The following DIS3L2 variants were observed in gnomAD, a reference collection of about 807,000 sequenced individuals.
DIS3L2 encodes the protein DIS3-like exonuclease 2.
DIS3L2 carries 34 observed loss-of-function variants against 97.5 expected under a neutral mutation model. The ratio of observed to expected loss-of-function variants is 0.35; its 90% CI spans 0.27 to 0.46. The LOEUF is 0.46. DIS3L2 is among the 20% of genes least tolerant of loss of function. The pLI is 1.00. For synonymous variants in DIS3L2, 435 were observed against 445.2 expected, an observed-to-expected ratio of 0.98 and a Z score of 0.29; for missense variants, 1,038 against 1,146.0, an observed-to-expected ratio of 0.91 and a Z score of 1.36.
chr2:232,200,712 A>G (rs1691868722), intron 9 of DIS3L2, among the ~76,000 whole-genome samples: 1 of 152,038 alleles, frequency 6.6e-6, no homozygotes, highest in African/African-American at 2.4e-5. Flanking sequence ...ACATTTTATA[A>G]TTTACAAGGC....
intron 1 of DIS3L2, among the ~76,000 whole-genome samples, chr2:232,014,070 C>T (rs963284879): frequency 2.0e-5 from 3 of 152,178 alleles, no homozygotes; most frequent in African/African-American, 7.2e-5. Context: ...GGCTGGTGGC[C>T]AGCAGAGACT....
At chr2:232,303,434 A>G (rs1479476948) in intron 14 of DIS3L2, among the ~76,000 whole-genome samples, 1 of 152,258 alleles carries the variant, frequency 6.6e-6, no homozygotes, top group Non-Finnish European at 1.5e-5. Flanking sequence ...AGACAATACC[A>G]GCAGAGAGAG....
chr2:232,217,812 C>T (rs1320312397), intron 10 of DIS3L2, among the ~76,000 whole-genome samples: 1 of 152,218 alleles, frequency 6.6e-6, no homozygotes, highest in Non-Finnish European at 1.5e-5. Context: ...TCTCCAGAAC[C>T]TCTCTGAACC....
chr2:232,169,741 A>G (rs1690929788), intron 9 of DIS3L2, among the ~76,000 whole-genome samples: 2 of 152,158 alleles, frequency 1.3e-5, no homozygotes, highest in African/African-American at 2.4e-5. Flanking sequence ...CTAGCTACAT[A>G]AGAACTTCTA....
At chr2:231,970,751 C>A (rs1692881052) in intron 1 of DIS3L2, among the ~76,000 whole-genome samples, 1 of 152,068 alleles carries the variant, frequency 6.6e-6, no homozygotes, top group Admixed American at 6.6e-5. Context: ...TTATAGAAAA[C>A]ATTTTTTCTT....
At chr2:232,163,378 A>C in intron 8 of DIS3L2, 81 bp from the exon 9 acceptor site, 1 of 1,444,928 alleles carries the variant, frequency 6.9e-7, no homozygotes, top group Non-Finnish European at 9.4e-7. Context: ...CTTTCCCACT[A>C]CTTTACTTTT....
In DIS3L2 at chr2:232,334,752, A is replaced by C; in HGVS notation, c.2394+17A>C. ...TACTGCAACGTGAGTGCCCTGGGAGAGCCCGGGGGCGGGCAGGGCAGCCCA... is the reference window on the plus strand; with the variant it reads ...TACTGCAACGTGAGTGCCCTGGGAGCGCCCGGGGGCGGGCAGGGCAGCCCA... On this transcript the variant is annotated intron_variant, in intron 19 of 20. Coordinates refer to ENST00000325385, the MANE Select transcript of DIS3L2 (RefSeq NM_152383.5). The C allele has an allele frequency of 6.3e-7, 1 of 1,586,878 alleles. No homozygotes were observed.
chr2:232,304,127 G>A (rs1694929496), intron 14 of DIS3L2, among the ~76,000 whole-genome samples: 1 of 151,478 alleles, frequency 6.6e-6, no homozygotes, highest in Non-Finnish European at 1.5e-5. Flanking sequence ...CACACCCCCT[G>A]GCAGATGCCA....
At chr2:232,227,633 T>G (rs1018945575) in intron 10 of DIS3L2, among the ~76,000 whole-genome samples, 1 of 152,018 alleles carries the variant, frequency 6.6e-6, no homozygotes, top group Admixed American at 6.6e-5. Context: ...TGAAACTGAG[T>G]GATTGGATCC....
At chr2:232,139,013 C>T (rs1251579109) in intron 8 of DIS3L2, among the ~76,000 whole-genome samples, 3 of 152,116 alleles carry the variant, frequency 2.0e-5, no homozygotes, top group Non-Finnish European at 4.4e-5. Context: ...GTTATGGATT[C>T]GTTACTTAAG....
chr2:232,319,954 C>T (rs182772695), intron 14 of DIS3L2, among the ~76,000 whole-genome samples: 12 of 152,320 alleles, frequency 7.9e-5, no homozygotes, highest in African/African-American at 1.9e-4. Flanking sequence ...ATGAGAGTGG[C>T]GTCGGGGAAA....
Position 232,172,838 on chromosome 2 carries a change from T to C in DIS3L2, c.1124+9206T>C. ...TTGTAGGTGTGGGGTAGTATCTCAT[T>C]GTGGTTTTGATTTGCATTTCTGTCA... is the stretch of plus-strand genomic sequence containing the variant. On this transcript the variant is annotated intron_variant, in intron 9 of 20. Coordinates refer to ENST00000325385, the MANE Select transcript of DIS3L2 (RefSeq NM_152383.5). The C allele has an allele frequency of 3.9e-6, 2 of 510,662 alleles. 1 individual carries two copies. The highest frequency in any genetic ancestry group is 3.0e-5 in the South Asian group (2 of 66,820). The allele number at this position is 510,662 out of a possible 1,614,324, so 31.6% of individuals were successfully genotyped here. A position where few individuals can be genotyped will look rare whatever the true frequency, so the allele number is the denominator to read the frequency against.
At chr2:232,042,892 A>G (rs1036728626) in intron 5 of DIS3L2, among the ~76,000 whole-genome samples, 1 of 152,256 alleles carries the variant, frequency 6.6e-6, no homozygotes. Context: ...GTGATGGCAC[A>G]TTCTAAGTGC....
chr2:232,090,490 A>C (rs1315764907), intron 6 of DIS3L2, among the ~76,000 whole-genome samples: 2 of 152,180 alleles, frequency 1.3e-5, no homozygotes, highest in African/African-American at 4.8e-5. Flanking sequence ...GATATTTAGG[A>C]AAATTGCAAT....
At position 232,033,681 on chromosome 2, in the gene DIS3L2, G is replaced by T. The variant is rs557976967; in HGVS notation, c.366+3601G>T. Among the ~76,000 whole-genome samples the T allele has an allele frequency of 5.3e-5, 8 of 152,184 alleles. No individual in the cohort carries two copies. The East Asian group carries it at 1.5e-3, about 29-fold the overall frequency. The stretch of plus-strand genomic sequence containing the variant: ...TATTGAGTGTTTTTAGCATAAAGGG[G>T]TGTTGAATTTTGTCAAAGGCCTTTT... On this transcript the variant is annotated intron_variant, in intron 5 of 20. Coordinates refer to ENST00000325385, the MANE Select transcript of DIS3L2 (RefSeq NM_152383.5).
In DIS3L2 at chr2:232,129,059, C is replaced by T. The variant is rs113326553; in HGVS notation, c.602-1560C>T. ...TCTCTTAAGATGTAATTTGGTATAA[C>T]ATTTTGAACAGCCGACTTGCTGTTG... On this transcript the variant is annotated intron_variant, in intron 6 of 20. Coordinates refer to ENST00000325385, the MANE Select transcript of DIS3L2 (RefSeq NM_152383.5). Among the ~76,000 whole-genome samples, 575 of 152,238 alleles carry T rather than the reference C, an allele frequency of 3.8e-3. 2 individuals carry two copies. Among genetic ancestry groups the T allele is most frequent in the Non-Finnish European group, 4.0e-3 (271 of 68,022 alleles).
intron 3 of DIS3L2, among the ~76,000 whole-genome samples, chr2:232,023,529 A>G (rs1694576665): frequency 2.0e-5 from 3 of 152,180 alleles, no homozygotes. Context: ...GCCTGAGACT[A>G]CAGCTGGAAC....
chr2:232,004,837 C>T (rs1694007471), intron 1 of DIS3L2, among the ~76,000 whole-genome samples: 1 of 152,170 alleles, frequency 6.6e-6, no homozygotes, highest in East Asian at 1.9e-4. Flanking sequence ...CTGTTTTAGT[C>T]TCCCAAAGTG....
intron 6 of DIS3L2, among the ~76,000 whole-genome samples, chr2:232,102,852 T>C (rs1200279384): frequency 2.0e-5 from 3 of 152,202 alleles, no homozygotes; most frequent in Non-Finnish European, 4.4e-5. Context: ...AATACAAATA[T>C]AGTCAGGACT....
Sources: allele counts gnomAD v4.1 joint callset (sites outside exome capture counted in the v4.1 genomes callset), GRCh38; gene constraint gnomAD v4.1.1; transcripts MANE v1.5; gene names NCBI Gene and HGNC (gene_info 2026-07-23, HGNC 2026-07-21).